DENND5A: variants seen among roughly 807,000 people sequenced by gnomAD.
DENND5A encodes DENN domain containing 5A.
Under a neutral mutation model 140.3 loss-of-function variants are expected in DENND5A, and 64 were observed. That is an observed-to-expected ratio of 0.46 (90% CI 0.37 to 0.56). The LOEUF (loss-of-function observed/expected upper bound fraction) is 0.56, where lower values mean the gene tolerates loss of function less well. Ranked by LOEUF, DENND5A falls within the 20% of genes least tolerant of loss-of-function variation. The pLI is 0.00. For synonymous variants in DENND5A, 605 were observed against 607.7 expected (o/e 1.00, Z 0.07); for missense variants, 1,292 against 1,593.8 (o/e 0.81, Z 3.22).
At chr11:9,228,122 A>C (rs1850610267) in intron 1 of DENND5A, among the ~76,000 whole-genome samples, 1 of 151,180 alleles carries the variant, frequency 6.6e-6, no homozygotes, top group African/African-American at 2.4e-5. Flanking sequence ...AAAAAAAAAA[A>C]AAAAAAAAAA....
intron 1 of DENND5A, among the ~76,000 whole-genome samples, chr11:9,255,859 C>T (rs1476894310): frequency 2.0e-5 from 3 of 149,218 alleles, no homozygotes; most frequent in East Asian, 3.9e-4. Context: ...AGTGAGACTC[C>T]GTCTAAAAAA....
chr11:9,157,316 G>T (rs1037849983), intron 12 of DENND5A, among the ~76,000 whole-genome samples: 3 of 152,138 alleles, frequency 2.0e-5, no homozygotes, highest in Admixed American at 6.6e-5. Context: ...ACAGCTGAAA[G>T]ATATTTATTT....
Position 9,189,632 on chromosome 11 carries a change from GTTTT to G in DENND5A, c.1137+3858_1137+3861del, listed in dbSNP as rs1487846779. The stretch of plus-strand genomic sequence containing the variant: ...GCTGTTGTTTGGTTTTTTTTTTTTG[GTTTT>G]TTTGTTTGTTTGTTTGTTTTTGAGA... On this transcript the variant is annotated intron_variant, in intron 5 of 22. Transcript: ENST00000328194. 8.2e-5 allele frequency among the ~76,000 whole-genome samples: 12 copies of G among 147,166 alleles called. No individual in the cohort carries two copies. The South Asian group carries it at 2.4e-3, about 29-fold the overall frequency.
At chr11:9,156,870 T>TGGAAGGAAGGAAGGAAGGAAGGAA (rs3074636) in intron 12 of DENND5A, among the ~76,000 whole-genome samples, 165 of 142,640 alleles carry the variant, frequency 1.2e-3, no homozygotes, top group Middle Eastern at 3.6e-3. Context: ...GAAGGATGGA[T>TGGAAGGAAGGAAGGAAGGAAGGAA]GGAAGGAAGG....
At position 9,204,073 on chromosome 11, in the gene DENND5A, T is replaced by C. The variant is rs1299203878; in HGVS notation, c.536A>G (p.Asp179Gly). ...TTTGGTCACAGGAGTGTCTTCACCA[T>C]CCTCCATGCTGCTCTGGTCTCTGTC... The part of the protein sequence containing the change: ...ADDRDQSSME[D>G]GEDTPVTKLQ... Residue 179 changes from aspartate to glycine, a missense_variant, in exon 4 of 23, where the codon GAT becomes GGT. Transcript: ENST00000328194. The C allele has an allele frequency of 6.2e-7, 1 of 1,614,018 alleles. No individual in the cohort carries two copies. Among genetic ancestry groups the C allele is most frequent in the African/African-American group, 1.3e-5 (1 of 74,902 alleles).
At chr11:9,205,180 T>C (rs1027392777) in intron 3 of DENND5A, among the ~76,000 whole-genome samples, 19 of 152,322 alleles carry the variant, frequency 1.2e-4, no homozygotes, top group East Asian at 7.7e-4. Flanking sequence ...TCATTTCATA[T>C]AAACCAAGGA....
chr11:9,206,436 C>G (rs897482534), intron 3 of DENND5A, among the ~76,000 whole-genome samples: 2 of 152,138 alleles, frequency 1.3e-5, no homozygotes, highest in African/African-American at 4.8e-5. Flanking sequence ...TTCACTGACA[C>G]AATACTATGT....
chr11:9,257,845 T>G (rs1170496341), intron 1 of DENND5A, among the ~76,000 whole-genome samples: 1 of 149,560 alleles, frequency 6.7e-6, no homozygotes, highest in Non-Finnish European at 1.5e-5. Flanking sequence ...CAGGCCAGAG[T>G]GCAGTGACGC....
chr11:9,169,741 T>C (rs1590228335), intron 10 of DENND5A, 115 bp downstream of exon 10: 1 of 675,714 alleles, frequency 1.5e-6, no homozygotes, highest in South Asian at 1.8e-5. Flanking sequence ...CCCTTCTTTA[T>C]GGGGTGAGGT....
chr11:9,165,697 G>A (rs766889584), intron 11 of DENND5A, 139 bp downstream of exon 11: 403 of 1,012,086 alleles, frequency 4.0e-4, no homozygotes, highest in Non-Finnish European at 5.5e-4. Context: ...GTCTCCCAAA[G>A]TGTTGGGATT....
At chr11:9,154,738 AT>A (rs1318646090) in intron 12 of DENND5A, among the ~76,000 whole-genome samples, 2 of 152,062 alleles carry the variant, frequency 1.3e-5, no homozygotes, top group Non-Finnish European at 2.9e-5. Context: ...GAAAAAAAAA[AT>A]GTCTAACAAC....
At chr11:9,144,323 G>C in intron 18 of DENND5A, 45 bp from the exon 19 acceptor site, 1 of 1,595,706 alleles carries the variant, frequency 6.3e-7, no homozygotes, top group Non-Finnish European at 8.6e-7. Flanking sequence ...GCTCCTCCCT[G>C]CTGCTCACAG....
chr11:9,153,564 T>C (rs186164709), intron 12 of DENND5A, among the ~76,000 whole-genome samples: 1 of 152,308 alleles, frequency 6.6e-6, no homozygotes, highest in East Asian at 1.9e-4. Context: ...CAAAGCAGTT[T>C]GGTGAACTTC....
chr11:9,251,435 T>C (rs918718630), intron 1 of DENND5A, among the ~76,000 whole-genome samples: 3 of 151,608 alleles, frequency 2.0e-5, no homozygotes, highest in Admixed American at 6.6e-5. Flanking sequence ...AACAAGCAAA[T>C]ATCAAAGACA....
At chr11:9,210,687 C>T (rs899290209) in intron 1 of DENND5A, among the ~76,000 whole-genome samples, 4 of 152,144 alleles carry the variant, frequency 2.6e-5, no homozygotes, top group African/African-American at 4.8e-5. Context: ...AGGACCACCA[C>T]GCCCAGCTAA....
At chr11:9,175,974 G>A (rs1215031651) in intron 8 of DENND5A, among the ~76,000 whole-genome samples, 1 of 152,136 alleles carries the variant, frequency 6.6e-6, no homozygotes, top group Non-Finnish European at 1.5e-5. Flanking sequence ...CAAAATAAAA[G>A]ATTTTGTTCT....
intron 12 of DENND5A, among the ~76,000 whole-genome samples, chr11:9,156,936 C>T (rs1475876822): frequency 6.7e-6 from 1 of 149,834 alleles, no homozygotes; most frequent in Non-Finnish European, 1.5e-5. Context: ...AGAATTCCTG[C>T]AGAATAATAA....
At chr11:9,238,820 T>C (rs1851111361) in intron 1 of DENND5A, among the ~76,000 whole-genome samples, 1 of 146,092 alleles carries the variant, frequency 6.8e-6, no homozygotes, top group Admixed American at 7.4e-5. Flanking sequence ...CATCCTTCTA[T>C]AATTTCTTTT....
chr11:9,236,269 T>C (rs1405384636), intron 1 of DENND5A, among the ~76,000 whole-genome samples: 2 of 149,428 alleles, frequency 1.3e-5, no homozygotes, highest in East Asian at 3.9e-4. Flanking sequence ...CAGTGGCTCG[T>C]GCCTATAATC....
Sources: gnomAD v4.1 joint callset for allele counts (sites outside exome capture counted in the v4.1 genomes callset) on GRCh38, gnomAD v4.1.1 for gene constraint, MANE v1.5 for transcripts, NCBI Gene and HGNC (gene_info 2026-07-23, HGNC 2026-07-21) for gene names.